Variants in LSAMP observed in about 807,000 individuals in gnomAD.
LSAMP encodes the protein limbic system-associated membrane protein.
In LSAMP, 7 loss-of-function variants were observed where a neutral mutation model predicts 38.6. The observed-to-expected ratio is 0.18, with a 90% CI of 0.10 to 0.34. The LOEUF (loss-of-function observed/expected upper bound fraction) is 0.34. Ranked by LOEUF, LSAMP falls within the 10% of genes least tolerant of loss-of-function variation. The probability of loss-of-function intolerance (pLI) is 1.00; values close to 1 mark genes in which losing one functional copy is unlikely to be tolerated. For synonymous variants in LSAMP, 154 were observed against 166.8 expected (o/e 0.92, Z 0.59); for missense variants, 313 against 420.0 (o/e 0.75, Z 2.23).
At chr3:116,236,127 A>G (rs1240586022) in intron 1 of LSAMP, among the ~76,000 whole-genome samples, 3 of 152,122 alleles carry the variant, frequency 2.0e-5, no homozygotes, top group Non-Finnish European at 2.9e-5. Flanking sequence ...GGTAACTAGG[A>G]AAAAAACCCA....
intron 1 of LSAMP, among the ~76,000 whole-genome samples, chr3:116,309,185 C>A (rs1448240796): frequency 6.6e-6 from 1 of 152,046 alleles, no homozygotes; most frequent in East Asian, 1.9e-4. Context: ...CATTAAAATG[C>A]CCACATAATT....
chr3:116,068,446 A>AG (rs1230645584), intron 2 of LSAMP, among the ~76,000 whole-genome samples: 2 of 152,168 alleles, frequency 1.3e-5, no homozygotes, highest in African/African-American at 4.8e-5. Flanking sequence ...TGTGGTAAAA[A>AG]AAAAATAAGT....
intron 1 of LSAMP, among the ~76,000 whole-genome samples, chr3:116,404,513 G>A (rs2048877493): frequency 2.0e-5 from 3 of 152,100 alleles, no homozygotes; most frequent in Admixed American, 2.0e-4. Flanking sequence ...GATGGATGGT[G>A]AATGGATGAA....
At chr3:115,920,897 T>C (rs1937367008) in intron 3 of LSAMP, among the ~76,000 whole-genome samples, 1 of 151,974 alleles carries the variant, frequency 6.6e-6, no homozygotes, top group Non-Finnish European at 1.5e-5. Context: ...TATATATATA[T>C]ATATTAATTG....
At chr3:116,282,605 T>A (rs1483485027) in intron 1 of LSAMP, among the ~76,000 whole-genome samples, 1 of 152,138 alleles carries the variant, frequency 6.6e-6, no homozygotes, top group Non-Finnish European at 1.5e-5. Context: ...CAATCCCACA[T>A]TTTCTGACAT....
At chr3:116,152,258 T>C (rs1443489481) in intron 1 of LSAMP, among the ~76,000 whole-genome samples, 2 of 152,182 alleles carry the variant, frequency 1.3e-5, no homozygotes, top group African/African-American at 4.8e-5. Flanking sequence ...GGGCATACTA[T>C]GTGCCGGGCA....
At chr3:116,332,681 G>T (rs1025055110) in intron 1 of LSAMP, among the ~76,000 whole-genome samples, 13 of 152,070 alleles carry the variant, frequency 8.5e-5, no homozygotes, top group African/African-American at 3.1e-4. Flanking sequence ...AAACTCTATA[G>T]TAAAAATATA....
chr3:116,357,795 T>C lies in LSAMP; in HGVS notation c.155+87082A>G, dbSNP rs142602368. Among the ~76,000 whole-genome samples, 655 of 151,236 alleles carry C rather than the reference T, an allele frequency of 4.3e-3. 5 individuals are homozygous for C. The highest frequency in any genetic ancestry group is 0.015 in the African/African-American group (621 of 41,166). On this transcript the variant is annotated intron_variant, in intron 1 of 6. Coordinates refer to ENST00000490035, the MANE Select transcript of LSAMP (RefSeq NM_002338.5). ...AATAAATAAACCCTAAAAGGAAGAG[T>C]CTAAAAAGAATTTACATCAGTTCAC... is the stretch of plus-strand genomic sequence containing the variant.
At chr3:116,188,299 C>G (rs1338795071) in intron 1 of LSAMP, among the ~76,000 whole-genome samples, 1 of 152,054 alleles carries the variant, frequency 6.6e-6, no homozygotes, top group Non-Finnish European at 1.5e-5. Context: ...CCAGGGAGAC[C>G]CCCCAGGAAC....
intron 3 of LSAMP, among the ~76,000 whole-genome samples, chr3:115,931,409 T>C (rs1456356842): frequency 6.6e-6 from 1 of 152,198 alleles, no homozygotes; most frequent in East Asian, 1.9e-4. Context: ...CTCAGCAGCA[T>C]GATTTCTCTA....
At chr3:116,276,228 A>T (rs2047050341) in intron 1 of LSAMP, among the ~76,000 whole-genome samples, 1 of 152,212 alleles carries the variant, frequency 6.6e-6, no homozygotes, top group Non-Finnish European at 1.5e-5. Context: ...AAAACAAATG[A>T]ACCCACCTGC....
At chr3:116,319,168 C>T (rs2047674411) in intron 1 of LSAMP, among the ~76,000 whole-genome samples, 1 of 152,170 alleles carries the variant, frequency 6.6e-6, no homozygotes, top group Non-Finnish European at 1.5e-5. Flanking sequence ...CAGAAATATA[C>T]TTGTTTTACC....
intron 1 of LSAMP, among the ~76,000 whole-genome samples, chr3:116,090,440 T>A (rs1231220929): frequency 6.6e-6 from 1 of 152,202 alleles, no homozygotes; most frequent in Non-Finnish European, 1.5e-5. Context: ...TGAGGTCTGC[T>A]GGCTCAACTG....
At chr3:115,849,763 G>C (rs1463410170) in intron 4 of LSAMP, among the ~76,000 whole-genome samples, 2 of 152,140 alleles carry the variant, frequency 1.3e-5, no homozygotes, top group African/African-American at 4.8e-5. Flanking sequence ...ATTTAAGTTG[G>C]ATTAATTGTT....
chr3:115,898,273 A>G (rs546859908), intron 3 of LSAMP, among the ~76,000 whole-genome samples: 19 of 152,148 alleles, frequency 1.2e-4, no homozygotes, highest in South Asian at 4.1e-4. Context: ...AGGAGTTCCT[A>G]AAACCTTTCA....
At chr3:116,089,950 A>T (rs999332680) in intron 1 of LSAMP, among the ~76,000 whole-genome samples, 4 of 152,112 alleles carry the variant, frequency 2.6e-5, no homozygotes, top group African/African-American at 4.8e-5. Flanking sequence ...TTAATAAAAA[A>T]TGAGTAAAGG....
intron 1 of LSAMP, among the ~76,000 whole-genome samples, chr3:116,423,493 G>GA (rs2049157121): frequency 6.6e-6 from 1 of 152,148 alleles, no homozygotes; most frequent in Non-Finnish European, 1.5e-5. Context: ...TCCTCTGGGG[G>GA]ATAGAGAAAG....
intron 1 of LSAMP, among the ~76,000 whole-genome samples, chr3:116,183,886 T>C (rs1413473193): frequency 1.3e-5 from 2 of 151,756 alleles, no homozygotes; most frequent in African/African-American, 4.8e-5. Context: ...AATAGGCAAA[T>C]GAGCAGAGGA....
intron 1 of LSAMP, among the ~76,000 whole-genome samples, chr3:116,212,213 T>C (rs1187272655): frequency 2.0e-5 from 3 of 152,226 alleles, no homozygotes; most frequent in African/African-American, 4.8e-5. Flanking sequence ...AGAGAATGCT[T>C]ATGATCAGCC....
Sources: gnomAD v4.1 joint callset for allele counts (sites outside exome capture counted in the v4.1 genomes callset) on GRCh38, gnomAD v4.1.1 for gene constraint, MANE v1.5 for transcripts, NCBI Gene and HGNC (gene_info 2026-07-23, HGNC 2026-07-21) for gene names.